Variants in TACR1 observed in about 807,000 individuals in gnomAD.
TACR1 encodes the protein tachykinin receptor 1.
TACR1 carries 25 observed loss-of-function variants against 35.8 expected under a neutral mutation model. The ratio of observed to expected loss-of-function variants is 0.70; its 90% CI spans 0.51 to 0.98. TACR1 has a LOEUF of 0.98. TACR1 is among the 50% of genes least tolerant of loss of function. The probability of loss-of-function intolerance (pLI) is 0.00; values close to 1 mark genes in which losing one functional copy is unlikely to be tolerated. For synonymous variants in TACR1, 195 were observed against 206.7 expected (o/e 0.94, Z 0.48); for missense variants, 478 against 522.9 (o/e 0.91, Z 0.84).
intron 2 of TACR1, among the ~76,000 whole-genome samples, chr2:75,081,923 A>G (rs1372345176): frequency 6.7e-6 from 1 of 149,588 alleles, no homozygotes; most frequent in Non-Finnish European, 1.5e-5. Flanking sequence ...AAATATATAT[A>G]TGTATTTTTT....
intron 3 of TACR1, among the ~76,000 whole-genome samples, chr2:75,053,278 C>T (rs139577551): frequency 3.9e-5 from 6 of 152,044 alleles, no homozygotes; most frequent in African/African-American, 7.2e-5. Flanking sequence ...GTTTGAACCA[C>T]GTGAATGTAT....
At chr2:75,076,912 G>T (rs974501918) in intron 2 of TACR1, among the ~76,000 whole-genome samples, 21 of 152,092 alleles carry the variant, frequency 1.4e-4, no homozygotes, top group African/African-American at 4.6e-4. Flanking sequence ...AATTTACCAG[G>T]TGCCTACTAG....
At chr2:75,147,793 G>T (rs1358421650) in intron 1 of TACR1, among the ~76,000 whole-genome samples, 2 of 150,526 alleles carry the variant, frequency 1.3e-5, no homozygotes, top group African/African-American at 4.9e-5. Context: ...GGCCAGGCTG[G>T]AGTGCAGTGG....
At chr2:75,198,483 C>T (rs1676046874) in intron 1 of TACR1, 63 bp downstream of exon 1, 5 of 1,572,004 alleles carry the variant, frequency 3.2e-6, no homozygotes, top group Non-Finnish European at 3.5e-6. Context: ...AGTTCCAAAC[C>T]TCACAGCAAT....
At chr2:75,175,007 T>C (rs1675379024) in intron 1 of TACR1, among the ~76,000 whole-genome samples, 2 of 152,216 alleles carry the variant, frequency 1.3e-5, no homozygotes, top group Non-Finnish European at 2.9e-5. Flanking sequence ...TACTCTGAAA[T>C]AATGTCTCCT....
At chr2:75,154,410 G>GCGCGCGCGCACA (rs1166779798) in intron 1 of TACR1, 1 of 75,364 alleles carries the variant, frequency 1.3e-5, no homozygotes, top group African/African-American at 4.9e-5. Flanking sequence ...GAGCGCGCAC[G>GCGCGCGCGCACA]CACACACACA....
At chr2:75,093,716 A>G (rs1673353752) in intron 2 of TACR1, among the ~76,000 whole-genome samples, 1 of 152,188 alleles carries the variant, frequency 6.6e-6, no homozygotes, top group Non-Finnish European at 1.5e-5. Flanking sequence ...GCTGTTTGGC[A>G]GATAGTCATT....
At chr2:75,085,786 C>G (rs207461862) in intron 2 of TACR1, among the ~76,000 whole-genome samples, 2 of 152,128 alleles carry the variant, frequency 1.3e-5, no homozygotes, top group East Asian at 3.9e-4. Flanking sequence ...AATTCCCACC[C>G]TTTTTTCATA....
At chr2:75,154,403 C>CGCGCGCGCGCGCGCGCGT (rs1480182310) in intron 1 of TACR1, 1 of 88,078 alleles carries the variant, frequency 1.1e-5, no homozygotes, top group African/African-American at 4.5e-5. Flanking sequence ...CAGCCAAGAG[C>CGCGCGCGCGCGCGCGCGT]GCGCACGCAC....
intron 1 of TACR1, among the ~76,000 whole-genome samples, chr2:75,159,892 A>T (rs189139307): frequency 6.6e-6 from 1 of 152,318 alleles, no homozygotes; most frequent in African/African-American, 2.4e-5. Context: ...CTACATGTCA[A>T]TAGAGGTACC....
intron 1 of TACR1, among the ~76,000 whole-genome samples, chr2:75,185,871 C>T (rs1453248188): frequency 3.3e-5 from 5 of 152,142 alleles, no homozygotes; most frequent in African/African-American, 1.2e-4. Context: ...TGCTAAAACA[C>T]ATTGATGACA....
chr2:75,057,418 G>C (rs148485571), intron 2 of TACR1, among the ~76,000 whole-genome samples: 3,007 of 152,282 alleles, frequency 0.02, 48 homozygotes, highest in South Asian at 0.034. Context: ...CTGCACCCAG[G>C]TGGAATAAAC....
At chr2:75,096,148 T>G (rs949942782) in intron 2 of TACR1, among the ~76,000 whole-genome samples, 6 of 152,214 alleles carry the variant, frequency 3.9e-5, no homozygotes, top group African/African-American at 1.4e-4. Flanking sequence ...TTTTGGGCAC[T>G]GGGGAGAGCA....
chr2:75,132,792 T>C (rs1282248025), intron 1 of TACR1, among the ~76,000 whole-genome samples: 2 of 152,234 alleles, frequency 1.3e-5, no homozygotes, highest in African/African-American at 4.8e-5. Context: ...CACTGCAAAC[T>C]GGATTTCAGA....
At chr2:75,088,071 A>G (rs990961633) in intron 2 of TACR1, among the ~76,000 whole-genome samples, 10 of 152,180 alleles carry the variant, frequency 6.6e-5, no homozygotes, top group Non-Finnish European at 1.5e-4. Flanking sequence ...TCTACCTTGC[A>G]GCTGGATCTT....
At chr2:75,130,790 T>C (rs1003519474) in intron 1 of TACR1, among the ~76,000 whole-genome samples, 4 of 152,244 alleles carry the variant, frequency 2.6e-5, no homozygotes, top group Admixed American at 2.6e-4. Context: ...TTAGTAGTTA[T>C]TTTAAGACAA....
intron 2 of TACR1, among the ~76,000 whole-genome samples, chr2:75,117,133 TTGTG>T (rs3079167): frequency 0.21 from 30,775 of 148,714 alleles, 3,876 homozygotes; most frequent in East Asian, 0.44. Context: ...ACTTTGTGGA[TTGTG>T]TGTGTGTGTG....
At chr2:75,155,716 G>C (rs1380659687) in intron 1 of TACR1, among the ~76,000 whole-genome samples, 4 of 152,206 alleles carry the variant, frequency 2.6e-5, no homozygotes, top group African/African-American at 4.8e-5. Context: ...TAACAAGAGA[G>C]AGAGTTTTAA....
rs1434553942 is a variant in TACR1 at position 75,049,406 on chromosome 2, G to T, written c.*26C>A. The T allele has an allele frequency of 6.3e-7, 1 of 1,597,168 alleles. No individual in the cohort carries two copies. Among genetic ancestry groups the T allele is most frequent in the Non-Finnish European group, 8.6e-7 (1 of 1,167,952 alleles). Reference sequence around the variant, plus strand: ...GGGAGGCAGGTCAAAGGCAGTGGGGGCTGCACCTGCCAAAGGCCCTGTGGC... The same window carrying T: ...GGGAGGCAGGTCAAAGGCAGTGGGGTCTGCACCTGCCAAAGGCCCTGTGGC... On this transcript the variant is annotated 3_prime_UTR_variant, in exon 5 of 5. Coordinates refer to ENST00000305249, the MANE Select transcript of TACR1 (RefSeq NM_001058.4).
Sources: gnomAD v4.1 joint callset for allele counts (sites outside exome capture counted in the v4.1 genomes callset) on GRCh38, gnomAD v4.1.1 for gene constraint, MANE v1.5 for transcripts, NCBI Gene and HGNC (gene_info 2026-07-23, HGNC 2026-07-21) for gene names.